ITPR1: variants seen among roughly 807,000 people sequenced by gnomAD.
The protein encoded by ITPR1 is inositol 1,4,5-trisphosphate receptor type 1, also known as inositol 1,4,5-trisphosphate-gated calcium channel ITPR1.
A neutral mutation model predicts 318.4 loss-of-function variants in ITPR1; 96 were observed. The observed-to-expected ratio is 0.30, with a 90% CI of 0.26 to 0.36. The LOEUF (loss-of-function observed/expected upper bound fraction) is 0.36, where lower values mean the gene tolerates loss of function less well. Among genes scored for constraint, ITPR1 ranks in the 10% least tolerant of loss-of-function variants. The pLI, the probability that ITPR1 is intolerant of heterozygous loss-of-function variation, is 1.00. For missense variants in ITPR1, 2,440 were observed against 3,460.2 expected, an observed-to-expected ratio of 0.71 and a Z score of 7.40; for synonymous variants, 1,312 against 1,289.9, an observed-to-expected ratio of 1.02 and a Z score of -0.37.
chr3:4,771,517 G>A (rs896489341), intron 46 of ITPR1, among the ~76,000 whole-genome samples: 1 of 152,156 alleles, frequency 6.6e-6, no homozygotes, highest in Non-Finnish European at 1.5e-5. Context: ...AGCGGAGTAA[G>A]GCTTTAATTG....
At chr3:4,694,212 G>C (rs559851620) in intron 33 of ITPR1, among the ~76,000 whole-genome samples, 151 of 151,034 alleles carry the variant, frequency 1.0e-3, no homozygotes, top group African/African-American at 3.4e-3. Flanking sequence ...CCTAAGTTTT[G>C]AAGTTAATCC....
chr3:4,686,031 G>T (rs188159839), intron 30 of ITPR1, among the ~76,000 whole-genome samples: 1 of 152,180 alleles, frequency 6.6e-6, no homozygotes, highest in African/African-American at 2.4e-5. Flanking sequence ...GGTGCCAGGC[G>T]CCATGCTGAG....
At chr3:4,655,417 T>G (rs1225194996) in intron 12 of ITPR1, among the ~76,000 whole-genome samples, 2 of 152,166 alleles carry the variant, frequency 1.3e-5, no homozygotes, top group African/African-American at 4.8e-5. Context: ...GAGTGCAGTT[T>G]AAATACCAGA....
intron 4 of ITPR1, among the ~76,000 whole-genome samples, chr3:4,548,261 C>T (rs75545833): frequency 0.013 from 1,905 of 152,220 alleles, 38 homozygotes; most frequent in African/African-American, 0.043. Flanking sequence ...TTCAGTTTTT[C>T]ACCTTTGTAC....
chr3:4,694,448 T>C (rs1391740492), intron 33 of ITPR1, among the ~76,000 whole-genome samples: 4 of 152,096 alleles, frequency 2.6e-5, no homozygotes, highest in Admixed American at 2.0e-4. Flanking sequence ...ATAATGTTTT[T>C]AGGTTATTTT....
chr3:4,825,568 A>C (rs928008901), intron 60 of ITPR1, among the ~76,000 whole-genome samples: 1 of 152,246 alleles, frequency 6.6e-6, no homozygotes, highest in African/African-American at 2.4e-5. Context: ...AGGAAACATT[A>C]TGAGAAGATT....
chr3:4,606,279 A>C (rs2091696508), intron 4 of ITPR1, among the ~76,000 whole-genome samples: 1 of 152,130 alleles, frequency 6.6e-6, no homozygotes. Context: ...AGGACAAAAA[A>C]GTCTTCCTTT....
rs765978572 is a variant in ITPR1, at chr3:4,665,310, A to C, written c.1713+14A>C. 12 of 1,597,090 alleles carry C rather than the reference A, an allele frequency of 7.5e-6. No individual in the cohort carries two copies. In the Middle Eastern group the frequency reaches 1.0e-3, roughly 133 times the overall value. ...AGGAAGAACCAGGTTTGGATTAAGC[A>C]TTGGTGGGATGTGGTTGTCAGTTTC... On this transcript the variant is annotated intron_variant, in intron 17 of 61. Transcript: ENST00000649015.
At chr3:4,547,539 C>T (rs941785433) in intron 4 of ITPR1, among the ~76,000 whole-genome samples, 1 of 152,104 alleles carries the variant, frequency 6.6e-6, no homozygotes. Flanking sequence ...TAGGGTGGCA[C>T]GGTGACAATA....
intron 4 of ITPR1, among the ~76,000 whole-genome samples, chr3:4,573,316 A>G (rs1204802946): frequency 6.6e-6 from 1 of 152,012 alleles, no homozygotes; most frequent in African/African-American, 2.4e-5. Context: ...CTTGACTTAT[A>G]TTTGAAATAT....
At chr3:4,508,855 A>G (rs1457671781) in intron 2 of ITPR1, among the ~76,000 whole-genome samples, 1 of 152,180 alleles carries the variant, frequency 6.6e-6, no homozygotes, top group Admixed American at 6.5e-5. Flanking sequence ...GAAAAACAAC[A>G]GTACTTTGGA....
chr3:4,553,807 G>A (rs1217104591), intron 4 of ITPR1, among the ~76,000 whole-genome samples: 1 of 151,948 alleles, frequency 6.6e-6, no homozygotes, highest in Non-Finnish European at 1.5e-5. Context: ...CACCATGTTG[G>A]CCAGGATGGT....
chr3:4,543,643 C>T (rs1358734997), intron 4 of ITPR1, among the ~76,000 whole-genome samples: 1 of 151,970 alleles, frequency 6.6e-6, no homozygotes, highest in Non-Finnish European at 1.5e-5. Flanking sequence ...GGGTTTCACC[C>T]TGTTGGCCAG....
intron 12 of ITPR1, among the ~76,000 whole-genome samples, chr3:4,654,997 T>C (rs1273960494): frequency 2.0e-5 from 3 of 152,164 alleles, no homozygotes; most frequent in Non-Finnish European, 4.4e-5. Flanking sequence ...CTAGAGTCCA[T>C]TTTGAAAGCT....
chr3:4,750,046 G>A (rs929737364), intron 44 of ITPR1: 2 of 152,674 alleles, frequency 1.3e-5, no homozygotes, highest in Non-Finnish European at 2.9e-5. Context: ...CTTAGGCCTG[G>A]AGGGTATGTG....
intron 4 of ITPR1, among the ~76,000 whole-genome samples, chr3:4,621,782 C>T (rs879722511): frequency 1.8e-4 from 27 of 152,188 alleles, no homozygotes; most frequent in Admixed American, 1.7e-3. Flanking sequence ...CAGCTCAGGG[C>T]GTTTGCACGT....
intron 6 of ITPR1, 143 bp from the exon 7 acceptor site, chr3:4,641,950 G>T: frequency 1.8e-6 from 1 of 547,310 alleles, no homozygotes; most frequent in Non-Finnish European, 3.1e-6. Flanking sequence ...ATCTGCAGCC[G>T]TAGGCACTTT....
At chr3:4,719,501 G>A (rs9876432) in intron 40 of ITPR1, among the ~76,000 whole-genome samples, 48,787 of 152,116 alleles carry the variant, frequency 0.32, 9,679 homozygotes, top group Non-Finnish European at 0.46. Flanking sequence ...ATGAGAATTC[G>A]TGCTGGCCCG....
intron 59 of ITPR1, among the ~76,000 whole-genome samples, 159 bp from the exon 60 acceptor site, chr3:4,817,923 A>G (rs999911062): frequency 2.0e-5 from 3 of 152,238 alleles, no homozygotes; most frequent in African/African-American, 7.2e-5. Context: ...TCCTGCCATA[A>G]TGTAAACATG....
Sources: gnomAD v4.1 joint callset for allele counts (sites outside exome capture counted in the v4.1 genomes callset) on GRCh38, gnomAD v4.1.1 for gene constraint, MANE v1.5 for transcripts, NCBI Gene and HGNC (gene_info 2026-07-23, HGNC 2026-07-21) for gene names.